The following FANK1 variants were observed in gnomAD, a reference collection of about 807,000 sequenced individuals.
FANK1 encodes fibronectin type III and ankyrin repeat domains 1, also known as fibronectin type 3 and ankyrin repeat domains protein 1.
A neutral mutation model predicts 45.3 loss-of-function variants in FANK1; 44 were observed. That is an observed-to-expected ratio of 0.97 (90% CI 0.76 to 1.25). The LOEUF is 1.25. Ranked by LOEUF, FANK1 falls within the 50% of genes most tolerant of loss-of-function variation. The pLI is 0.00. For missense variants in FANK1, 391 were observed against 424.4 expected, an observed-to-expected ratio of 0.92 and a Z score of 0.69; for synonymous variants, 149 against 152.5, an observed-to-expected ratio of 0.98 and a Z score of 0.17.
chr10:125,919,275 G>C (rs1346039694), intron 1 of FANK1, among the ~76,000 whole-genome samples: 1 of 125,398 alleles, frequency 8.0e-6, no homozygotes, highest in African/African-American at 3.1e-5. Context: ...GCATGATCTT[G>C]GCTCACTGCA....
intron 6 of FANK1, among the ~76,000 whole-genome samples, chr10:126,002,125 G>A (rs1197142788): frequency 1.3e-5 from 2 of 151,674 alleles, no homozygotes; most frequent in African/African-American, 4.8e-5. Context: ...AGCCTGGCCA[G>A]GCTGGTGAAA....
At chr10:125,991,401 C>T (rs1951936127) in intron 3 of FANK1, among the ~76,000 whole-genome samples, 1 of 152,132 alleles carries the variant, frequency 6.6e-6, no homozygotes. Context: ...TCCTCCTCCT[C>T]CTAGCTGGGG....
intron 1 of FANK1, among the ~76,000 whole-genome samples, chr10:125,970,988 A>T (rs75307449): frequency 6.6e-6 from 1 of 152,166 alleles, no homozygotes; most frequent in African/African-American, 2.4e-5. Context: ...ATAGTCACAG[A>T]TATACTTACC....
At chr10:125,913,549 A>G (rs1218135244) in intron 1 of FANK1, among the ~76,000 whole-genome samples, 1 of 152,214 alleles carries the variant, frequency 6.6e-6, no homozygotes, top group Non-Finnish European at 1.5e-5. Context: ...AAGTTCTCTG[A>G]TAAGTCATTG....
chr10:125,951,963 G>A (rs554585085), intron 1 of FANK1, among the ~76,000 whole-genome samples: 41 of 152,212 alleles, frequency 2.7e-4, no homozygotes, highest in African/African-American at 7.7e-4. Context: ...ACATGTGGGC[G>A]TTTTTCACTG....
At position 125,938,155 on chromosome 10, in the gene FANK1, T is replaced by C. The variant is rs1050917444; in HGVS notation, c.13+41500T>C. On this transcript the variant is annotated intron_variant, in intron 1 of 10. Coordinates refer to ENST00000368693, the MANE Select transcript of FANK1 (RefSeq NM_145235.5). The stretch of plus-strand genomic sequence containing the variant: ...ATACTATTTTGTATGTATTCTGGGA[T>C]TGAACAATTGAGAAACTATATCGAT... Among the ~76,000 whole-genome samples, 4 of 152,302 alleles carry C rather than the reference T, an allele frequency of 2.6e-5. No individual in the cohort carries two copies. The South Asian group carries it at 6.2e-4, about 24-fold the overall frequency.
intron 1 of FANK1, among the ~76,000 whole-genome samples, chr10:125,941,686 C>T (rs1395367897): frequency 1.3e-5 from 2 of 152,186 alleles, no homozygotes; most frequent in African/African-American, 4.8e-5. Flanking sequence ...GGTATATTCA[C>T]ATGATGAAAT....
chr10:125,925,345 A>G (rs558706540), intron 1 of FANK1, among the ~76,000 whole-genome samples: 25 of 152,376 alleles, frequency 1.6e-4, no homozygotes, highest in African/African-American at 5.3e-4. Context: ...TATGCTTTCA[A>G]CATTACGTAT....
chr10:126,004,561 A>G (rs1416200543), intron 6 of FANK1: 1 of 243,138 alleles, frequency 4.1e-6, no homozygotes, highest in African/African-American at 2.3e-5. Context: ...CTCACCTGCT[A>G]GTTCTGTCTT....
intron 6 of FANK1, among the ~76,000 whole-genome samples, chr10:125,997,979 C>T (rs1284100051): frequency 6.6e-6 from 1 of 152,250 alleles, no homozygotes. Flanking sequence ...CCTTGGAGGG[C>T]TGAGAACGCT....
chr10:125,980,203 A>C lies in FANK1; in HGVS notation c.56A>C (p.Lys19Thr). 1.9e-6 allele frequency: 3 copies of C among 1,614,108 alleles called. No homozygotes were observed. Among genetic ancestry groups the C allele is most frequent in the Non-Finnish European group, 2.5e-6 (3 of 1,180,008 alleles). ...PSKPHPPVVG[K>T]VTHHSIELYW... is the part of the protein sequence containing the mutation. Reference sequence around the variant, plus strand: ...AAGCCTCATCCACCTGTCGTGGGCAAAGTGACTCATCACAGCATTGAATTA... The same window carrying C: ...AAGCCTCATCCACCTGTCGTGGGCACAGTGACTCATCACAGCATTGAATTA... Residue 19 changes from lysine (K) to threonine (T), a missense_variant, in exon 2 of 11, where the codon AAA becomes ACA. Transcript: ENST00000368693.
chr10:125,993,760 G>A (rs1043616474), intron 3 of FANK1, among the ~76,000 whole-genome samples: 2 of 152,152 alleles, frequency 1.3e-5, no homozygotes, highest in African/African-American at 2.4e-5. Context: ...TCTAAAAAAT[G>A]TGTAGAATGA....
rs1021087645 is a variant in FANK1, at chr10:125,988,859, T to C, written c.316+184T>C. 2.1e-5 allele frequency: 19 copies of C among 916,504 alleles called. No individual in the cohort carries two copies. In the African/African-American group the frequency reaches 3.1e-4, roughly 15 times the overall value. The allele number at this position is 916,504 out of a possible 1,614,324, so 56.8% of individuals were successfully genotyped here. Reference sequence around the variant, plus strand: ...ACTTGTAATGTCAGGGAAGTCTAATTATGCTTTCACAAACTGGGAGAGCTA... The same window carrying C: ...ACTTGTAATGTCAGGGAAGTCTAATCATGCTTTCACAAACTGGGAGAGCTA... On this transcript the variant is annotated intron_variant, in intron 3 of 10. Coordinates refer to ENST00000368693, the MANE Select transcript of FANK1 (RefSeq NM_145235.5).
chr10:125,933,014 A>G (rs1947853398), intron 1 of FANK1, among the ~76,000 whole-genome samples: 1 of 152,036 alleles, frequency 6.6e-6, no homozygotes, highest in Non-Finnish European at 1.5e-5. Flanking sequence ...ATTGACTTGC[A>G]TATGTTAAAC....
intron 1 of FANK1, among the ~76,000 whole-genome samples, chr10:125,909,443 C>T (rs1945809329): frequency 1.3e-5 from 2 of 150,614 alleles, no homozygotes; most frequent in South Asian, 2.1e-4. Flanking sequence ...TTATTTCCAT[C>T]ATTTTAATTT....
At position 125,919,919 on chromosome 10, in the gene FANK1, G is replaced by A. The variant is rs2366336; in HGVS notation, c.13+23264G>A. On this transcript the variant is annotated intron_variant, in intron 1 of 10. Transcript: ENST00000368693. ...ACCTTCTTATTTGTTTCTGCCTATA[G>A]TAATTCTGGAGTCTTTAAACAAAAC... Among the ~76,000 whole-genome samples the A allele has an allele frequency of 1.1e-3, 160 of 150,048 alleles. 3 individuals carry two copies. In the East Asian group the frequency reaches 0.031, roughly 29 times the overall value.
At chr10:126,008,968 C>A (rs1235384798) in intron 8 of FANK1, 86 bp from the exon 9 acceptor site, 1 of 1,293,130 alleles carries the variant, frequency 7.7e-7, no homozygotes, top group Non-Finnish European at 1.1e-6. Flanking sequence ...GCTGCTGGGA[C>A]CCTGCATGTG....
At chr10:125,953,776 G>GCCCTGC (rs905113056) in intron 1 of FANK1, among the ~76,000 whole-genome samples, 3 of 152,154 alleles carry the variant, frequency 2.0e-5, no homozygotes, top group African/African-American at 7.2e-5. Flanking sequence ...TCAGGTCCTG[G>GCCCTGC]CCCTGCCCCT....
intron 7 of FANK1, among the ~76,000 whole-genome samples, chr10:126,006,316 A>G (rs1467505695): frequency 6.6e-6 from 1 of 152,200 alleles, no homozygotes; most frequent in Non-Finnish European, 1.5e-5. Context: ...GAATTAAGAA[A>G]AGTGCCCCCT....
Sources: gnomAD v4.1 joint callset for allele counts (sites outside exome capture counted in the v4.1 genomes callset) on GRCh38, gnomAD v4.1.1 for gene constraint, MANE v1.5 for transcripts, NCBI Gene and HGNC (gene_info 2026-07-23, HGNC 2026-07-21) for gene names.